The following PTPRD variants were observed in gnomAD, a reference collection of about 807,000 sequenced individuals.
PTPRD encodes receptor-type tyrosine-protein phosphatase delta.
Under a neutral mutation model 214.5 loss-of-function variants are expected in PTPRD, and 34 were observed. The ratio of observed to expected loss-of-function variants is 0.16; its 90% CI spans 0.12 to 0.21. PTPRD has a LOEUF of 0.21. Ranked by LOEUF, PTPRD falls within the 10% of genes least tolerant of loss-of-function variation. PTPRD has a pLI of 1.00. For missense variants in PTPRD, 2,545 were observed against 2,398.7 expected, an observed-to-expected ratio of 1.06 and a Z score of -1.27; for synonymous variants, 1,128 against 845.7, an observed-to-expected ratio of 1.33 and a Z score of -5.79.
intron 35 of PTPRD, among the ~76,000 whole-genome samples, chr9:8,419,087 A>G (rs550650667): frequency 7.2e-5 from 11 of 151,772 alleles, no homozygotes; most frequent in Non-Finnish European, 1.5e-4. Context: ...AAAAGATGGT[A>G]ATGCACACCT....
chr9:9,998,055 T>C (rs1442429317), intron 4 of PTPRD, among the ~76,000 whole-genome samples: 1 of 149,834 alleles, frequency 6.7e-6, no homozygotes, highest in East Asian at 1.9e-4. Flanking sequence ...CACACAGAGT[T>C]TCTTTCTTGG....
intron 8 of PTPRD, among the ~76,000 whole-genome samples, chr9:9,526,355 G>C (rs1263618125): frequency 1.3e-5 from 2 of 152,128 alleles, no homozygotes; most frequent in Non-Finnish European, 2.9e-5. Flanking sequence ...TCTAGGCTAG[G>C]TCATAGGGTA....
chr9:9,849,494 G>C (rs566599354), intron 5 of PTPRD, among the ~76,000 whole-genome samples: 1 of 152,016 alleles, frequency 6.6e-6, no homozygotes, highest in South Asian at 2.1e-4. Flanking sequence ...TTTATATATA[G>C]AAGTCTGATG....
chr9:9,382,068 T>C (rs1351960549), intron 9 of PTPRD, among the ~76,000 whole-genome samples: 4 of 152,164 alleles, frequency 2.6e-5, no homozygotes, highest in Non-Finnish European at 2.9e-5. Context: ...CAATGCTCTG[T>C]AGTTTTCAGT....
chr9:9,438,027 C>T (rs2086023477), intron 8 of PTPRD, among the ~76,000 whole-genome samples: 1 of 152,082 alleles, frequency 6.6e-6, no homozygotes, highest in African/African-American at 2.4e-5. Context: ...TTCTCCTTAG[C>T]CTGAAGTTGG....
chr9:9,256,399 A>C lies in PTPRD; in HGVS notation c.-202-73036T>G, dbSNP rs533925006. Among the ~76,000 whole-genome samples the C allele has an allele frequency of 3.3e-5, 5 of 151,796 alleles. 1 individual carries two copies. The South Asian group carries it at 1.0e-3, about 32-fold the overall frequency. ...TGATAATATCTGCATTTTGGTCCTT[A>C]CATTTTTTTTCTCTCTTTTTTTTCC... On this transcript the variant is annotated intron_variant, in intron 9 of 45. Coordinates refer to ENST00000381196, the MANE Select transcript of PTPRD (RefSeq NM_002839.4).
intron 39 of PTPRD, among the ~76,000 whole-genome samples, chr9:8,346,033 T>C (rs971886909): frequency 6.6e-6 from 1 of 152,040 alleles, no homozygotes; most frequent in African/African-American, 2.4e-5. Flanking sequence ...TCAAACTGTC[T>C]TCAAGTTTAT....
intron 10 of PTPRD, among the ~76,000 whole-genome samples, chr9:9,113,630 G>C (rs1161781946): frequency 6.6e-6 from 1 of 152,074 alleles, no homozygotes; most frequent in African/African-American, 2.4e-5. Flanking sequence ...AGTTAAACAG[G>C]CTTCTGTGAA....
chr9:8,984,755 G>C (rs887791427), intron 11 of PTPRD, among the ~76,000 whole-genome samples: 1 of 152,044 alleles, frequency 6.6e-6, no homozygotes, highest in African/African-American at 2.4e-5. Context: ...CAGTATTTAT[G>C]GTGCCACTTG....
intron 3 of PTPRD, among the ~76,000 whole-genome samples, chr9:10,140,278 G>T (rs562367676): frequency 1.3e-5 from 2 of 151,440 alleles, no homozygotes; most frequent in African/African-American, 4.8e-5. Flanking sequence ...GAAAGGACAT[G>T]GACAGCCACT....
At chr9:9,819,795 G>C (rs989830510) in intron 5 of PTPRD, among the ~76,000 whole-genome samples, 1 of 152,098 alleles carries the variant, frequency 6.6e-6, no homozygotes, top group Non-Finnish European at 1.5e-5. Context: ...ATGGCCTCCA[G>C]CACAGCCATG....
chr9:8,361,346 TAA>T (rs1321261308), intron 39 of PTPRD, among the ~76,000 whole-genome samples: 2 of 152,186 alleles, frequency 1.3e-5, no homozygotes, highest in Non-Finnish European at 1.5e-5. Context: ...GTGAAAATTT[TAA>T]AAGACTGCAA....
chr9:10,294,319 C>T (rs564993363), intron 3 of PTPRD, among the ~76,000 whole-genome samples: 1 of 151,840 alleles, frequency 6.6e-6, no homozygotes, highest in African/African-American at 2.4e-5. Context: ...AAAAAAATTC[C>T]ATTAAGATAA....
chr9:9,146,037 A>C (rs1416403466), intron 10 of PTPRD, among the ~76,000 whole-genome samples: 1 of 151,948 alleles, frequency 6.6e-6, no homozygotes, highest in Non-Finnish European at 1.5e-5. Flanking sequence ...CACTCAACAG[A>C]CTCTCCTTGT....
At chr9:9,910,549 A>G (rs1303692053) in intron 5 of PTPRD, among the ~76,000 whole-genome samples, 1 of 151,984 alleles carries the variant, frequency 6.6e-6, no homozygotes, top group Non-Finnish European at 1.5e-5. Flanking sequence ...TCTAGTACAA[A>G]GTATTGCCAT....
chr9:9,299,458 A>G (rs750307525), intron 9 of PTPRD, among the ~76,000 whole-genome samples: 6 of 151,716 alleles, frequency 4.0e-5, no homozygotes, highest in South Asian at 2.1e-4. Context: ...CACAATTTCA[A>G]TGGTGCTGGC....
intron 12 of PTPRD, among the ~76,000 whole-genome samples, chr9:8,644,792 C>G (rs1284916683): frequency 6.6e-6 from 1 of 152,228 alleles, no homozygotes; most frequent in Non-Finnish European, 1.5e-5. Context: ...CCAAACCCCA[C>G]GTTCACTCAC....
chr9:10,468,914 C>T lies in PTPRD; in HGVS notation c.-599-127897G>A, dbSNP rs573852087. On this transcript the variant is annotated intron_variant, in intron 2 of 45. Transcript: ENST00000381196. ...TATTCTTGCCCACAGATTCAGAAAGCCCATTTGACAAAAGTCAATATCCAT... is the reference window on the plus strand; with the variant it reads ...TATTCTTGCCCACAGATTCAGAAAGTCCATTTGACAAAAGTCAATATCCAT... Among the ~76,000 whole-genome samples the T allele has an allele frequency of 1.1e-4, 17 of 151,990 alleles. No homozygotes were observed. The South Asian group carries it at 3.5e-3, about 32-fold the overall frequency.
At chr9:8,427,581 G>C (rs1027191569) in intron 35 of PTPRD, among the ~76,000 whole-genome samples, 1 of 152,068 alleles carries the variant, frequency 6.6e-6, no homozygotes, top group African/African-American at 2.4e-5. Context: ...AATGACTGGA[G>C]AGTAAGAAAG....
Sources: gnomAD v4.1 joint callset for allele counts (sites outside exome capture counted in the v4.1 genomes callset) on GRCh38, gnomAD v4.1.1 for gene constraint, MANE v1.5 for transcripts, NCBI Gene and HGNC (gene_info 2026-07-23, HGNC 2026-07-21) for gene names.